The following RHOJ variants were observed in gnomAD, a reference collection of about 807,000 sequenced individuals.
RHOJ encodes rho-related GTP-binding protein RhoJ.
A neutral mutation model predicts 23.4 loss-of-function variants in RHOJ; 11 were observed. The observed-to-expected ratio is 0.47, with a 90% CI of 0.30 to 0.78. The LOEUF (loss-of-function observed/expected upper bound fraction) is 0.78. RHOJ is among the 30% of genes least tolerant of loss of function. The pLI is 0.08. For missense variants in RHOJ, 254 were observed against 273.4 expected, an observed-to-expected ratio of 0.93 and a Z score of 0.50; for synonymous variants, 102 against 102.7, an observed-to-expected ratio of 0.99 and a Z score of 0.04.
At chr14:63,220,148 A>G (rs1894457193) in intron 1 of RHOJ, among the ~76,000 whole-genome samples, 1 of 152,232 alleles carries the variant, frequency 6.6e-6, no homozygotes, top group African/African-American at 2.4e-5. Flanking sequence ...ATGCAAGTCT[A>G]TCCCCAAGCA....
rs570813102 is a variant in RHOJ, at chr14:63,255,428, C to T, written c.179-13682C>T. ...TTTAAGGGAAGGATGAGAGCCTTGT[C>T]TCTTGAAGTGGGGTCTGCAGACCAG... On this transcript the variant is annotated intron_variant, in intron 1 of 4. Transcript: ENST00000316754. Among the ~76,000 whole-genome samples the T allele has an allele frequency of 1.5e-4, 23 of 152,318 alleles. 2 individuals carry two copies. The South Asian group carries it at 4.8e-3, about 32-fold the overall frequency.
chr14:63,277,538 G>A (rs1388034563), intron 2 of RHOJ, among the ~76,000 whole-genome samples: 2 of 152,192 alleles, frequency 1.3e-5, no homozygotes, highest in Non-Finnish European at 2.9e-5. Context: ...CTCCCCAGGT[G>A]ATTCTAATAA....
Position 63,264,894 on chromosome 14 carries a change from T to C in RHOJ, c.179-4216T>C, listed in dbSNP as rs545907841. Among the ~76,000 whole-genome samples the C allele has an allele frequency of 1.1e-4, 17 of 152,358 alleles. No homozygotes were observed. The South Asian group carries it at 3.1e-3, about 28-fold the overall frequency. ...TTTGCTTCTTGAATTAAATTCCTTA[T>C]AGATTCTGAATATTATACCTCTGTC... On this transcript the variant is annotated intron_variant, in intron 1 of 4. Coordinates refer to ENST00000316754, the MANE Select transcript of RHOJ (RefSeq NM_020663.5).
intron 1 of RHOJ, among the ~76,000 whole-genome samples, chr14:63,253,318 CA>C (rs1895105005): frequency 6.6e-6 from 1 of 152,134 alleles, no homozygotes; most frequent in Admixed American, 6.6e-5. Context: ...ACCCAGACTG[CA>C]GTGCAATGGT....
chr14:63,287,605 T>G (rs1882120749), intron 4 of RHOJ, among the ~76,000 whole-genome samples: 2 of 152,140 alleles, frequency 1.3e-5, no homozygotes, highest in African/African-American at 4.8e-5. Context: ...TACGGTTTTT[T>G]TTTTTTTTTC....
At chr14:63,235,743 CT>C (rs1457499649) in intron 1 of RHOJ, among the ~76,000 whole-genome samples, 1 of 152,164 alleles carries the variant, frequency 6.6e-6, no homozygotes, top group East Asian at 1.9e-4. Flanking sequence ...CTATTTCAAA[CT>C]GATAAGGTCA....
At chr14:63,272,126 G>A (rs1358263433) in intron 2 of RHOJ, among the ~76,000 whole-genome samples, 1 of 152,182 alleles carries the variant, frequency 6.6e-6, no homozygotes, top group Non-Finnish European at 1.5e-5. Flanking sequence ...AAACGTTTCT[G>A]GTGGCTGAGG....
chr14:63,238,317 C>T (rs1894824705), intron 1 of RHOJ, among the ~76,000 whole-genome samples: 1 of 152,080 alleles, frequency 6.6e-6, no homozygotes, highest in South Asian at 2.1e-4. Flanking sequence ...TTTAGGAAGC[C>T]ATGTAAACTG....
chr14:63,241,196 G>A (rs900889919), intron 1 of RHOJ, among the ~76,000 whole-genome samples: 4 of 152,286 alleles, frequency 2.6e-5, no homozygotes, highest in East Asian at 3.9e-4. Flanking sequence ...TGAAGTCTAC[G>A]TTTTTGTAAT....
intron 1 of RHOJ, among the ~76,000 whole-genome samples, chr14:63,225,113 G>A (rs955042920): frequency 3.3e-5 from 5 of 151,950 alleles, no homozygotes; most frequent in Non-Finnish European, 5.9e-5. Context: ...CACTACACCC[G>A]TCTAATTTTT....
Position 63,208,033 on chromosome 14 carries a change from T to G in RHOJ, c.178+2986T>G, listed in dbSNP as rs371396534. On this transcript the variant is annotated intron_variant, in intron 1 of 4. Transcript: ENST00000316754. ...TATCCTTTAGAAGAGTAAGGTAGGA[T>G]GGAGTGTATGTATTTTCTTCATAAA... Among the ~76,000 whole-genome samples, 11 of 152,294 alleles carry G rather than the reference T, an allele frequency of 7.2e-5. 1 individual carries two copies. The highest frequency in any genetic ancestry group is 2.4e-4 in the African/African-American group (10 of 41,560).
At chr14:63,249,535 T>C (rs1459688726) in intron 1 of RHOJ, among the ~76,000 whole-genome samples, 1 of 152,220 alleles carries the variant, frequency 6.6e-6, no homozygotes. Flanking sequence ...AGTTCAAGTG[T>C]TTGCAAGGAT....
At chr14:63,250,670 A>G (rs936319140) in intron 1 of RHOJ, among the ~76,000 whole-genome samples, 1 of 152,106 alleles carries the variant, frequency 6.6e-6, no homozygotes, top group African/African-American at 2.4e-5. Context: ...TTGCACACTC[A>G]ACTTACTGCT....
rs372472368 is a variant in RHOJ at position 63,281,136 on chromosome 14, G to T, written c.402+1G>T. On this transcript the variant is annotated splice_donor_variant, in intron 3 of 4. Transcript: ENST00000316754. LOFTEE classifies it high-confidence loss of function. ...GCCTTATGTCCTCATAGGGACCCAG[G>T]TTAAAATGTGGGCGATGGCAGGGTG... The T allele has an allele frequency of 3.3e-5, 53 of 1,604,554 alleles. No individual in the cohort carries two copies. The highest frequency in any genetic ancestry group is 4.2e-5 in the Non-Finnish European group (49 of 1,176,300).
At chr14:63,245,579 G>A (rs901514244) in intron 1 of RHOJ, among the ~76,000 whole-genome samples, 3 of 152,036 alleles carry the variant, frequency 2.0e-5, no homozygotes, top group Non-Finnish European at 4.4e-5. Context: ...GATCACTTAA[G>A]CCCAGGAGTT....
At chr14:63,225,929 T>C (rs1398287077) in intron 1 of RHOJ, among the ~76,000 whole-genome samples, 1 of 152,144 alleles carries the variant, frequency 6.6e-6, no homozygotes, top group Non-Finnish European at 1.5e-5. Context: ...GGAAGAATAA[T>C]GCAGATGGAG....
intron 1 of RHOJ, among the ~76,000 whole-genome samples, chr14:63,215,235 G>C (rs1022396379): frequency 6.6e-6 from 1 of 152,158 alleles, no homozygotes; most frequent in Non-Finnish European, 1.5e-5. Context: ...CTGAAAGAAA[G>C]ATGCATAAAT....
At chr14:63,252,123 A>G (rs1261022967) in intron 1 of RHOJ, among the ~76,000 whole-genome samples, 3 of 152,150 alleles carry the variant, frequency 2.0e-5, no homozygotes, top group African/African-American at 4.8e-5. Flanking sequence ...AATGTGTTTC[A>G]CTAGACTCAA....
At chr14:63,221,700 G>A (rs1894497340) in intron 1 of RHOJ, among the ~76,000 whole-genome samples, 1 of 152,194 alleles carries the variant, frequency 6.6e-6, no homozygotes. Flanking sequence ...AATTTCCAAA[G>A]TAGTCATGGC....
Sources: allele counts gnomAD v4.1 joint callset (sites outside exome capture counted in the v4.1 genomes callset), GRCh38; gene constraint gnomAD v4.1.1; transcripts MANE v1.5; gene names NCBI Gene and HGNC (gene_info 2026-07-23, HGNC 2026-07-21).